The following ARL6 variants were observed in gnomAD, a reference collection of about 807,000 sequenced individuals.
ARL6 encodes the protein ARF like GTPase 6, also known as ADP-ribosylation factor-like protein 6.
A neutral mutation model predicts 27.1 loss-of-function variants in ARL6; 18 were observed. The observed-to-expected ratio is 0.66, with a 90% CI of 0.46 to 0.98. The LOEUF (loss-of-function observed/expected upper bound fraction) is 0.98, where lower values mean the gene tolerates loss of function less well. Among genes scored for constraint, ARL6 ranks in the 50% least tolerant of loss-of-function variants. ARL6 has a pLI of 0.00. For missense variants in ARL6, 187 were observed against 214.9 expected, an observed-to-expected ratio of 0.87 and a Z score of 0.81; for synonymous variants, 65 against 72.3, an observed-to-expected ratio of 0.90 and a Z score of 0.51.
Position 97,800,005 on chromosome 3 carries a change from TC to T in ARL6, c.*1957del, listed in dbSNP as rs1330362119. On this transcript the variant is annotated 3_prime_UTR_variant, in exon 8 of 8. Transcript: ENST00000463745. ...AGACTACTCTTTGCTTTTTTTGTTT[TC>T]TTTTTTTTTCTTTTAAAGCTATTAA... The T allele has an allele frequency of 6.6e-6, 1 of 152,126 alleles. No homozygotes were observed. Among genetic ancestry groups the T allele is most frequent in the African/African-American group, 2.4e-5 (1 of 41,452 alleles). The allele number at this position is 152,126 out of a possible 1,614,324, so 9.4% of individuals were successfully genotyped here.
chr3:97,784,195 G>C (rs1486482095), intron 4 of ARL6, among the ~76,000 whole-genome samples: 1 of 151,760 alleles, frequency 6.6e-6, no homozygotes, highest in African/African-American at 2.4e-5. Flanking sequence ...CAGTGCAATA[G>C]TTTAGAACCA....
chr3:97,788,743 T>C (rs1399460393), intron 6 of ARL6, among the ~76,000 whole-genome samples: 1 of 152,230 alleles, frequency 6.6e-6, no homozygotes, highest in Non-Finnish European at 1.5e-5. Flanking sequence ...AAGTAATTAA[T>C]GTTGAAATTG....
At chr3:97,786,203 T>C (rs1173727572) in intron 5 of ARL6, among the ~76,000 whole-genome samples, 1 of 151,842 alleles carries the variant, frequency 6.6e-6, no homozygotes, top group Admixed American at 6.6e-5. Context: ...ATACAGAAAT[T>C]AGCCAGGCAC....
Position 97,783,059 on chromosome 3 carries a change from ATAT to A in ARL6, c.255-1892_255-1890del, listed in dbSNP as rs1190643337. 2.0e-5 allele frequency among the ~76,000 whole-genome samples: 3 copies of A among 151,024 alleles called. No individual in the cohort carries two copies. The East Asian group carries it at 5.8e-4, about 29-fold the overall frequency. On this transcript the variant is annotated intron_variant, in intron 4 of 7. Transcript: ENST00000463745. ...CATCTATATGATGCCATAATGTTAA[ATAT>A]TATATAATTTTTACATACTATTTTT...
intron 2 of ARL6, among the ~76,000 whole-genome samples, chr3:97,772,078 T>C (rs952071148): frequency 1.6e-4 from 24 of 152,224 alleles, no homozygotes; most frequent in Admixed American, 9.8e-4. Flanking sequence ...CTCTTTACTT[T>C]TTGGGATCGT....
At chr3:97,791,189 A>G (rs1343440904) in intron 6 of ARL6, 1 of 153,064 alleles carries the variant, frequency 6.5e-6, no homozygotes, top group East Asian at 1.9e-4. Flanking sequence ...TATGAGGTCA[A>G]TGATACTATT....
chr3:97,779,266 T>C (rs1559678768), intron 2 of ARL6, among the ~76,000 whole-genome samples: 1 of 152,156 alleles, frequency 6.6e-6, no homozygotes, highest in Non-Finnish European at 1.5e-5. Context: ...TCAGAATCAT[T>C]GCACTGACAG....
intron 4 of ARL6, among the ~76,000 whole-genome samples, chr3:97,780,892 TTC>T (rs2037165071): frequency 6.6e-6 from 1 of 152,126 alleles, no homozygotes; most frequent in African/African-American, 2.4e-5. Context: ...GCATGTACTA[TTC>T]TCTCTGTTTT....
At chr3:97,776,310 A>G (rs2036897707) in intron 2 of ARL6, among the ~76,000 whole-genome samples, 1 of 151,778 alleles carries the variant, frequency 6.6e-6, no homozygotes, top group Non-Finnish European at 1.5e-5. Context: ...TTTTGTTTTC[A>G]GCCTGTGTGT....
At chr3:97,783,119 A>G (rs1202197671) in intron 4 of ARL6, among the ~76,000 whole-genome samples, 3 of 151,500 alleles carry the variant, frequency 2.0e-5, no homozygotes, top group Admixed American at 1.3e-4. Flanking sequence ...ATGCAAAAAT[A>G]TAAGGAGTAC....
intron 2 of ARL6, among the ~76,000 whole-genome samples, chr3:97,770,119 A>G (rs1472838376): frequency 6.6e-6 from 1 of 152,130 alleles, no homozygotes; most frequent in Admixed American, 6.6e-5. Context: ...ACTGTTTTCC[A>G]TAGTGGCTAC....
At chr3:97,765,519 G>T (rs1035602714) in intron 1 of ARL6, among the ~76,000 whole-genome samples, 6 of 152,112 alleles carry the variant, frequency 3.9e-5, no homozygotes, top group Admixed American at 3.9e-4. Flanking sequence ...AAGAGAATTT[G>T]GCTGGTGTGC....
Position 97,780,178 on chromosome 3 carries a change from T to A in ARL6, c.143T>A (p.Leu48His), listed in dbSNP as rs895572972. 7 of 1,613,100 alleles carry A rather than the reference T, an allele frequency of 4.3e-6. No individual in the cohort carries two copies. Among genetic ancestry groups the A allele is most frequent in the East Asian group, 2.2e-5 (1 of 44,728 alleles). ...KPSNAQSQNI[L>H]PTIGFSIEKF... The stretch of plus-strand genomic sequence containing the variant: ...TTAAAGGCTCAATCTCAAAATATCC[T>A]TCCAACAATAGGATTCAGCATAGAG... Residue 48 changes from leucine (L) to histidine (H), a missense_variant, in exon 3 of 8, where the codon CTT (leucine) becomes CAT (histidine). Transcript: ENST00000463745.
rs1041746009 is a variant in ARL6, at chr3:97,799,271, A to G, written c.*1222A>G. The G allele has an allele frequency of 6.6e-6, 1 of 152,124 alleles. No homozygotes were observed. Among genetic ancestry groups the G allele is most frequent in the Non-Finnish European group, 1.5e-5 (1 of 67,944 alleles). The allele number at this position is 152,124 out of a possible 1,614,324, so 9.4% of individuals were successfully genotyped here. On this transcript the variant is annotated 3_prime_UTR_variant, in exon 8 of 8. Coordinates refer to ENST00000463745, the MANE Select transcript of ARL6 (RefSeq NM_001278293.3). ...GTTATAGTAACTGCAGTAGTGGTAC[A>G]TGTTTCACAAAGATTTTAATAAAAG...
At chr3:97,769,907 G>A (rs983053859) in intron 2 of ARL6, among the ~76,000 whole-genome samples, 2 of 152,004 alleles carry the variant, frequency 1.3e-5, no homozygotes, top group African/African-American at 4.8e-5. Flanking sequence ...TTGTGTATAT[G>A]TACCAAATTT....
chr3:97,792,208 T>C (rs1042144420), intron 7 of ARL6, among the ~76,000 whole-genome samples: 1 of 152,186 alleles, frequency 6.6e-6, no homozygotes, highest in African/African-American at 2.4e-5. Flanking sequence ...TTAAGAATCA[T>C]GCTGGCCGGG....
At chr3:97,780,281 C>A in intron 3 of ARL6, 61 bp downstream of exon 3, 1 of 1,271,836 alleles carries the variant, frequency 7.9e-7, no homozygotes, top group Non-Finnish European at 1.1e-6. Context: ...ATTAGGTCTA[C>A]CTGGTCATTC....
At chr3:97,782,997 T>TC (rs1365956853) in intron 4 of ARL6, among the ~76,000 whole-genome samples, 33 of 150,954 alleles carry the variant, frequency 2.2e-4, no homozygotes, top group African/African-American at 7.7e-4. Context: ...CTTTTTTTTT[T>TC]CACATCCTGT....
intron 7 of ARL6, among the ~76,000 whole-genome samples, chr3:97,796,588 A>C (rs565926833): frequency 3.3e-5 from 5 of 152,160 alleles, no homozygotes; most frequent in Admixed American, 6.5e-5. Context: ...TAAATTGATG[A>C]GTTTTCAGTT....
Sources: gnomAD v4.1 joint callset for allele counts (sites outside exome capture counted in the v4.1 genomes callset) on GRCh38, gnomAD v4.1.1 for gene constraint, MANE v1.5 for transcripts, NCBI Gene and HGNC (gene_info 2026-07-23, HGNC 2026-07-21) for gene names.